Variants in KCNJ3 observed in about 807,000 individuals in gnomAD.
The protein encoded by KCNJ3 is potassium inwardly rectifying channel subfamily J member 3.
KCNJ3 carries 4 observed loss-of-function variants against 39.2 expected under a neutral mutation model. The observed-to-expected ratio is 0.10, with a 90% confidence interval of 0.05 to 0.23. KCNJ3 has a LOEUF of 0.23. KCNJ3 is among the 10% of genes least tolerant of loss of function. The probability of loss-of-function intolerance (pLI) is 1.00; values close to 1 mark genes in which losing one functional copy is unlikely to be tolerated. For missense variants in KCNJ3, 276 were observed against 634.9 expected (o/e 0.43, Z 6.08); for synonymous variants, 230 against 237.4 (o/e 0.97, Z 0.29).
At chr2:154,769,987 G>T (rs1290139970) in intron 2 of KCNJ3, among the ~76,000 whole-genome samples, 1 of 152,072 alleles carries the variant, frequency 6.6e-6, no homozygotes, top group Non-Finnish European at 1.5e-5. Flanking sequence ...CCTTTTAAAA[G>T]ACATTTTAAA....
At chr2:154,826,865 C>T (rs1201006259) in intron 2 of KCNJ3, among the ~76,000 whole-genome samples, 1 of 152,150 alleles carries the variant, frequency 6.6e-6, no homozygotes, top group East Asian at 1.9e-4. Flanking sequence ...TCTGCAATTT[C>T]ATTTTAATGT....
intron 2 of KCNJ3, among the ~76,000 whole-genome samples, chr2:154,725,665 G>T (rs1685341113): frequency 6.6e-6 from 1 of 151,944 alleles, no homozygotes; most frequent in African/African-American, 2.4e-5. Flanking sequence ...TAAGCAAAAA[G>T]AACAAATCTG....
intron 2 of KCNJ3, among the ~76,000 whole-genome samples, chr2:154,850,903 C>T (rs1484919209): frequency 6.6e-6 from 1 of 152,060 alleles, no homozygotes; most frequent in Non-Finnish European, 1.5e-5. Context: ...AGTAATGTAA[C>T]TTTTTTCTAT....
intron 2 of KCNJ3, among the ~76,000 whole-genome samples, chr2:154,793,946 T>TA (rs1003950240): frequency 1.5e-4 from 23 of 151,338 alleles, no homozygotes; most frequent in Non-Finnish European, 2.4e-4. Context: ...TATATATATA[T>TA]TTTTTTTTCC....
intron 2 of KCNJ3, among the ~76,000 whole-genome samples, chr2:154,788,246 T>G (rs1047828076): frequency 6.6e-6 from 1 of 152,098 alleles, no homozygotes; most frequent in Non-Finnish European, 1.5e-5. Flanking sequence ...CTAGCCAAAA[T>G]ATGCAGCTGG....
chr2:154,807,035 T>C (rs1333895256), intron 2 of KCNJ3, among the ~76,000 whole-genome samples: 1 of 152,184 alleles, frequency 6.6e-6, no homozygotes, highest in Non-Finnish European at 1.5e-5. Flanking sequence ...GTGTCATTGA[T>C]AATTTCACCT....
chr2:154,715,405 A>G (rs994150301), intron 2 of KCNJ3, among the ~76,000 whole-genome samples: 3 of 152,148 alleles, frequency 2.0e-5, no homozygotes, highest in Admixed American at 6.5e-5. Context: ...CTTGCCTCCC[A>G]TATTTGTGAT....
At chr2:154,787,010 TTAA>T (rs1325721248) in intron 2 of KCNJ3, among the ~76,000 whole-genome samples, 2 of 152,322 alleles carry the variant, frequency 1.3e-5, no homozygotes, top group Non-Finnish European at 1.5e-5. Context: ...GAATATGCTG[TTAA>T]TAATGATAAC....
intron 2 of KCNJ3, among the ~76,000 whole-genome samples, chr2:154,767,746 C>T (rs1686160759): frequency 1.3e-5 from 2 of 152,156 alleles, no homozygotes; most frequent in Non-Finnish European, 2.9e-5. Context: ...GTTCTAGATC[C>T]TTGAGGAATT....
At chr2:154,765,024 C>T (rs1686108321) in intron 2 of KCNJ3, among the ~76,000 whole-genome samples, 1 of 152,136 alleles carries the variant, frequency 6.6e-6, no homozygotes, top group Non-Finnish European at 1.5e-5. Context: ...TCAAGGTGGG[C>T]ACGATTGACA....
intron 2 of KCNJ3, among the ~76,000 whole-genome samples, chr2:154,757,296 G>T (rs1347016490): frequency 6.6e-6 from 1 of 152,104 alleles, no homozygotes; most frequent in African/African-American, 2.4e-5. Flanking sequence ...GAGCAGTAGG[G>T]CAGTAAAATA....
At chr2:154,759,176 T>C (rs896326103) in intron 2 of KCNJ3, among the ~76,000 whole-genome samples, 3 of 152,140 alleles carry the variant, frequency 2.0e-5, no homozygotes, top group Non-Finnish European at 4.4e-5. Flanking sequence ...AAGCACAGGA[T>C]TGTGTAGAAT....
chr2:154,745,663 C>A (rs766709557), intron 2 of KCNJ3, among the ~76,000 whole-genome samples: 1 of 152,016 alleles, frequency 6.6e-6, no homozygotes, highest in Admixed American at 6.6e-5. Flanking sequence ...AGAAGTCTCA[C>A]ACTTTTGGCA....
intron 2 of KCNJ3, among the ~76,000 whole-genome samples, chr2:154,745,395 A>G (rs1386910540): frequency 6.6e-6 from 1 of 151,788 alleles, no homozygotes; most frequent in African/African-American, 2.4e-5. Flanking sequence ...ACATTTTTAA[A>G]TCTCTGCTTT....
chr2:154,748,612 T>C (rs1340374882), intron 2 of KCNJ3, among the ~76,000 whole-genome samples: 3 of 151,962 alleles, frequency 2.0e-5, no homozygotes, highest in South Asian at 4.1e-4. Context: ...AAAATAAATA[T>C]GAGTGAACTG....
chr2:154,793,601 A>T (rs1686673284), intron 2 of KCNJ3, among the ~76,000 whole-genome samples: 1 of 152,058 alleles, frequency 6.6e-6, no homozygotes. Context: ...TAAATTTTCT[A>T]AAGTGTTGTC....
intron 2 of KCNJ3, among the ~76,000 whole-genome samples, chr2:154,724,451 G>C (rs1050305118): frequency 6.6e-6 from 1 of 152,052 alleles, no homozygotes; most frequent in African/African-American, 2.4e-5. Context: ...GGTAAAGAAA[G>C]GTATAGATAA....
chr2:154,770,658 A>G (rs192666538), intron 2 of KCNJ3, among the ~76,000 whole-genome samples: 2 of 152,212 alleles, frequency 1.3e-5, no homozygotes, highest in Non-Finnish European at 1.5e-5. Context: ...ACTTAAGAAT[A>G]GGTTAGGAAT....
At chr2:154,845,784 A>G (rs1687653620) in intron 2 of KCNJ3, among the ~76,000 whole-genome samples, 2 of 152,124 alleles carry the variant, frequency 1.3e-5, no homozygotes, top group African/African-American at 4.8e-5. Flanking sequence ...CAGCCTGGTC[A>G]ATATGGTGAA....
Sources: allele counts gnomAD v4.1 joint callset (sites outside exome capture counted in the v4.1 genomes callset), GRCh38; gene constraint gnomAD v4.1.1; transcripts MANE v1.5; gene names NCBI Gene and HGNC (gene_info 2026-07-23, HGNC 2026-07-21).